TAF15: variants seen among roughly 807,000 people sequenced by gnomAD.
TAF15 encodes TATA-binding protein-associated factor 2N.
Under a neutral mutation model 102.5 loss-of-function variants are expected in TAF15, and 37 were observed. That is an observed-to-expected ratio of 0.36 (90% confidence interval 0.28 to 0.47). The LOEUF is 0.47. TAF15 is among the 20% of genes least tolerant of loss of function. The probability of loss-of-function intolerance (pLI) is 0.99; values close to 1 mark genes in which losing one functional copy is unlikely to be tolerated. For synonymous variants in TAF15, 273 were observed against 259.2 expected, an observed-to-expected ratio of 1.05 and a Z score of -0.51; for missense variants, 652 against 760.7, an observed-to-expected ratio of 0.86 and a Z score of 1.68.
At chr17:35,809,676 G>A in intron 1 of TAF15, 100 bp downstream of exon 1, 3 of 1,545,068 alleles carry the variant, frequency 1.9e-6, no homozygotes, top group Non-Finnish European at 2.7e-6. Context: ...GAAGCCTCCG[G>A]CCCTGAGGGA....
chr17:35,835,509 A>G (rs576799018), intron 9 of TAF15, among the ~76,000 whole-genome samples: 1 of 152,360 alleles, frequency 6.6e-6, no homozygotes, highest in South Asian at 2.1e-4. Context: ...TGTTTTTATT[A>G]AGATGCCAAA....
intron 9 of TAF15, among the ~76,000 whole-genome samples, chr17:35,835,039 C>A (rs777595867): frequency 6.6e-6 from 1 of 151,772 alleles, no homozygotes; most frequent in East Asian, 1.9e-4. Context: ...CCACCACGCC[C>A]GGCTGGGGAG....
At chr17:35,819,750 A>C (rs1412685457) in intron 2 of TAF15, among the ~76,000 whole-genome samples, 7 of 152,164 alleles carry the variant, frequency 4.6e-5, no homozygotes, top group African/African-American at 1.2e-4. Flanking sequence ...GGAATTTTCT[A>C]GCTCTTACCA....
intron 7 of TAF15, among the ~76,000 whole-genome samples, chr17:35,832,024 G>A (rs151309183): frequency 7.7e-4 from 117 of 152,274 alleles, no homozygotes; most frequent in African/African-American, 2.7e-3. Context: ...CTTGCGGTGA[G>A]CCAAGATTGC....
At chr17:35,836,072 C>A in intron 9 of TAF15, 60 bp from the exon 10 acceptor site, 1 of 1,168,758 alleles carries the variant, frequency 8.6e-7, no homozygotes, top group Non-Finnish European at 1.3e-6. Context: ...TCTTTGATTA[C>A]TGAACAGAAT....
chr17:35,825,198 T>C (rs2087310619), intron 7 of TAF15, among the ~76,000 whole-genome samples: 1 of 152,256 alleles, frequency 6.6e-6, no homozygotes, highest in Non-Finnish European at 1.5e-5. Context: ...TTCACTGCCT[T>C]ATATTCTATT....
At chr17:35,816,848 A>T (rs1248806872) in intron 1 of TAF15, 1 of 79,916 alleles carries the variant, frequency 1.3e-5, no homozygotes, top group Non-Finnish European at 2.1e-5. Context: ...TTTTTTGAGA[A>T]GTGTCATTCA....
chr17:35,819,919 A>G, intron 2 of TAF15, 105 bp from the exon 3 acceptor site: 1 of 983,620 alleles, frequency 1.0e-6, no homozygotes, highest in Non-Finnish European at 1.6e-6. Context: ...TTTCTCAGCA[A>G]AGAAGCTTGT....
At chr17:35,829,279 T>G (rs1265603650) in intron 7 of TAF15, among the ~76,000 whole-genome samples, 1 of 151,974 alleles carries the variant, frequency 6.6e-6, no homozygotes, top group South Asian at 2.1e-4. Flanking sequence ...TCTTGGCAGT[T>G]TTAGTCCATA....
chr17:35,820,443 G>A lies in TAF15; in HGVS notation c.290+6G>A, dbSNP rs767912968. On this transcript the variant is annotated splice_donor_region_variant and intron_variant, in intron 5 of 15. Transcript: ENST00000605844. ...AACATGGAATCATCAGGAAGGTAAGGAAATAGTAAAATACTGAGATTGTTT... is the reference window on the plus strand; with the variant it reads ...AACATGGAATCATCAGGAAGGTAAGAAAATAGTAAAATACTGAGATTGTTT... 6.2e-7 allele frequency: 1 copy of A among 1,611,128 alleles called. No homozygotes were observed. The highest frequency in any genetic ancestry group is 2.2e-5 in the East Asian group (1 of 44,858).
intron 6 of TAF15, among the ~76,000 whole-genome samples, chr17:35,823,458 G>A (rs1283789290): frequency 6.6e-6 from 1 of 152,082 alleles, no homozygotes; most frequent in African/African-American, 2.4e-5. Flanking sequence ...CCAGCATTTT[G>A]GGAGGCCGAG....
chr17:35,826,985 C>T (rs1403977034), intron 7 of TAF15, among the ~76,000 whole-genome samples: 6 of 151,684 alleles, frequency 4.0e-5, no homozygotes, highest in Admixed American at 3.9e-4. Context: ...TATAGATGCC[C>T]TGTTTTAAGA....
intron 8 of TAF15, 38 bp from the exon 9 acceptor site, chr17:35,834,528 T>C (rs779708752): frequency 1.2e-6 from 2 of 1,600,058 alleles, no homozygotes; most frequent in Non-Finnish European, 1.7e-6. Context: ...TTAAATAAAT[T>C]GCCTTAAATA....
chr17:35,833,987 A>T (rs756770834), intron 8 of TAF15, 46 bp downstream of exon 8: 1 of 1,602,918 alleles, frequency 6.2e-7, no homozygotes, highest in Non-Finnish European at 8.5e-7. Context: ...ATGCTATATA[A>T]ATCTAAAAGC....
Position 35,809,595 on chromosome 17 carries a change from G to A in TAF15, c.7+19G>A. The A allele has an allele frequency of 6.2e-7, 1 of 1,613,280 alleles. No individual in the cohort carries two copies. Among genetic ancestry groups the A allele is most frequent in the Non-Finnish European group, 8.5e-7 (1 of 1,179,852 alleles). On this transcript the variant is annotated intron_variant, in intron 1 of 15. Transcript: ENST00000605844. The stretch of plus-strand genomic sequence containing the variant: ...ATGTCGGGTAGGTGACTTCTTCAGC[G>A]AGCAGCGGCAGCGACGAGAAGGTCC...
intron 1 of TAF15, among the ~76,000 whole-genome samples, chr17:35,814,564 C>G (rs760440234): frequency 1.3e-5 from 2 of 150,132 alleles, no homozygotes; most frequent in African/African-American, 4.9e-5. Flanking sequence ...TTTTGTGTGC[C>G]TAATAATATA....
At chr17:35,816,849 G>A (rs954686828) in intron 1 of TAF15, 33 of 81,610 alleles carry the variant, frequency 4.0e-4, no homozygotes, top group African/African-American at 1.8e-3. Flanking sequence ...TTTTTGAGAA[G>A]TGTCATTCAG....
At chr17:35,832,003 G>A (rs781109204) in intron 7 of TAF15, among the ~76,000 whole-genome samples, 11 of 151,950 alleles carry the variant, frequency 7.2e-5, no homozygotes, top group Non-Finnish European at 1.2e-4. Flanking sequence ...GCATGAACCC[G>A]GGAGGCGGAG....
intron 10 of TAF15, 79 bp downstream of exon 10, chr17:35,836,320 ATACT>A (rs2087474359): frequency 3.9e-6 from 4 of 1,022,592 alleles, no homozygotes; most frequent in Non-Finnish European, 4.5e-6. Context: ...GTAAGCCTAC[ATACT>A]TCAGTACGCC....
Sources: allele counts gnomAD v4.1 joint callset (sites outside exome capture counted in the v4.1 genomes callset), GRCh38; gene constraint gnomAD v4.1.1; transcripts MANE v1.5; gene names NCBI Gene and HGNC (gene_info 2026-07-23, HGNC 2026-07-21).